MYOF: variants seen among roughly 807,000 people sequenced by gnomAD.
MYOF encodes the protein myoferlin.
Under a neutral mutation model 284.2 loss-of-function variants are expected in MYOF, and 244 were observed. The ratio of observed to expected loss-of-function variants is 0.86; its 90% CI spans 0.77 to 0.95. The LOEUF (loss-of-function observed/expected upper bound fraction) is 0.95. Among genes scored for constraint, MYOF ranks in the 40% least tolerant of loss-of-function variants. The pLI is 0.00. For synonymous variants in MYOF, 904 were observed against 919.7 expected (o/e 0.98, Z 0.31); for missense variants, 2,496 against 2,560.6 (o/e 0.97, Z 0.54).
chr10:93,338,128 A>T (rs1206560955), intron 39 of MYOF, among the ~76,000 whole-genome samples: 1 of 151,710 alleles, frequency 6.6e-6, no homozygotes, highest in African/African-American at 2.4e-5. Flanking sequence ...GGCCGATGAA[A>T]TGTGTTTGGC....
intron 29 of MYOF, among the ~76,000 whole-genome samples, chr10:93,357,840 T>A (rs1332795939): frequency 6.6e-6 from 1 of 152,198 alleles, no homozygotes; most frequent in African/African-American, 2.4e-5. Flanking sequence ...GCCTTCTAAC[T>A]GATGGCTCAG....
chr10:93,307,596 T>C (rs991349267), intron 53 of MYOF, among the ~76,000 whole-genome samples: 17 of 150,448 alleles, frequency 1.1e-4, no homozygotes, highest in Non-Finnish European at 1.8e-4. Flanking sequence ...CACCACGCCC[T>C]GCAGTAACCA....
chr10:93,400,994 AG>A, intron 12 of MYOF, among the ~76,000 whole-genome samples: 1 of 151,344 alleles, frequency 6.6e-6, no homozygotes, highest in East Asian at 1.9e-4. Flanking sequence ...CTGGGATTAT[AG>A]GCACCCGCCA....
intron 37 of MYOF, among the ~76,000 whole-genome samples, chr10:93,347,039 G>C (rs534910961): frequency 6.6e-6 from 1 of 152,278 alleles, no homozygotes; most frequent in Non-Finnish European, 1.5e-5. Flanking sequence ...ATTCACCCAG[G>C]AGCAGGACGC....
intron 12 of MYOF, among the ~76,000 whole-genome samples, chr10:93,401,209 A>G (rs181539436): frequency 2.0e-5 from 3 of 152,340 alleles, no homozygotes; most frequent in African/African-American, 7.2e-5. Context: ...GGTACTCAAC[A>G]AGGAACATGA....
chr10:93,422,928 G>C (rs1848417870), intron 5 of MYOF, among the ~76,000 whole-genome samples: 1 of 151,540 alleles, frequency 6.6e-6, no homozygotes, highest in Non-Finnish European at 1.5e-5. Flanking sequence ...TTTCCTAAAG[G>C]CCTGGCAGAA....
At chr10:93,431,563 G>T in intron 3 of MYOF, 47 bp from the exon 4 acceptor site, 1 of 1,456,736 alleles carries the variant, frequency 6.9e-7, no homozygotes, top group Non-Finnish European at 9.6e-7. Context: ...TAGGAGATAG[G>T]CTTCCAATGA....
Position 93,347,599 on chromosome 10 carries a change from C to T in MYOF, c.4249+18G>A, listed in dbSNP as rs769167700. ...AAAAAGAAAAGCCCCCAGACTTATG[C>T]ACAGCCTTGCATGTTACCTTTGAGC... On this transcript the variant is annotated intron_variant, in intron 37 of 53. Coordinates refer to ENST00000359263, the MANE Select transcript of MYOF (RefSeq NM_013451.4). 3 of 1,575,280 alleles carry T rather than the reference C, an allele frequency of 1.9e-6. No individual in the cohort carries two copies. Among genetic ancestry groups the T allele is most frequent in the Non-Finnish European group, 2.6e-6 (3 of 1,161,392 alleles).
intron 18 of MYOF, 88 bp downstream of exon 18, chr10:93,388,942 T>C (rs1239269602): frequency 4.0e-6 from 6 of 1,497,068 alleles, no homozygotes; most frequent in African/African-American, 1.4e-5. Context: ...ATGAAACTTC[T>C]ATCCTGCAAT....
intron 32 of MYOF, among the ~76,000 whole-genome samples, chr10:93,352,496 A>G (rs1386881741): frequency 6.6e-6 from 1 of 152,244 alleles, no homozygotes; most frequent in Non-Finnish European, 1.5e-5. Flanking sequence ...TGACAGCAGA[A>G]AACTTTGTCT....
intron 20 of MYOF, among the ~76,000 whole-genome samples, chr10:93,380,426 G>A (rs1325893507): frequency 6.6e-6 from 1 of 152,136 alleles, no homozygotes; most frequent in African/African-American, 2.4e-5. Context: ...GGCTACATAG[G>A]GTTTGGTACT....
chr10:93,437,097 C>T (rs1849159259), intron 3 of MYOF, among the ~76,000 whole-genome samples: 1 of 152,078 alleles, frequency 6.6e-6, no homozygotes, highest in African/African-American at 2.4e-5. Flanking sequence ...TTTCAGCCCA[C>T]GAATGTCATA....
At chr10:93,459,974 G>A (rs184481013) in intron 1 of MYOF, among the ~76,000 whole-genome samples, 14 of 152,218 alleles carry the variant, frequency 9.2e-5, no homozygotes, top group Admixed American at 3.3e-4. Flanking sequence ...AGACCATGGC[G>A]GTCCTTCAAG....
At chr10:93,423,449 C>T (rs986778195) in intron 5 of MYOF, among the ~76,000 whole-genome samples, 1 of 145,366 alleles carries the variant, frequency 6.9e-6, no homozygotes, top group African/African-American at 2.6e-5. Context: ...ATTGTTTGAA[C>T]CTAGGGGCAG....
At chr10:93,402,401 G>A (rs533422284) in intron 10 of MYOF, 54 bp from the exon 11 acceptor site, 1 of 1,364,030 alleles carries the variant, frequency 7.3e-7, no homozygotes, top group Admixed American at 1.7e-5. Flanking sequence ...GTACTGATAA[G>A]TCTGTGATTC....
intron 3 of MYOF, among the ~76,000 whole-genome samples, chr10:93,445,868 C>T (rs1157509473): frequency 1.3e-5 from 2 of 152,256 alleles, no homozygotes; most frequent in East Asian, 3.8e-4. Flanking sequence ...CAACCCTGCA[C>T]TTCAGGTGAG....
intron 50 of MYOF, 132 bp downstream of exon 50, chr10:93,316,582 T>TC: frequency 1.3e-6 from 1 of 752,230 alleles, no homozygotes; most frequent in Non-Finnish European, 2.2e-6. Context: ...ACTGGGTGTA[T>TC]CCCCTGTCCC....
At chr10:93,475,246 C>T (rs988134945) in intron 1 of MYOF, among the ~76,000 whole-genome samples, 4 of 152,124 alleles carry the variant, frequency 2.6e-5, no homozygotes, top group Admixed American at 1.3e-4. Context: ...CAAAGCACAC[C>T]CCAGTGCAAC....
chr10:93,348,511 A>G (rs1844347921), intron 36 of MYOF, among the ~76,000 whole-genome samples: 1 of 152,112 alleles, frequency 6.6e-6, no homozygotes, highest in Admixed American at 6.5e-5. Context: ...GGGTCACCTG[A>G]GTGGTTTTTC....
Sources: gnomAD v4.1 joint callset for allele counts (sites outside exome capture counted in the v4.1 genomes callset) on GRCh38, gnomAD v4.1.1 for gene constraint, MANE v1.5 for transcripts, NCBI Gene and HGNC (gene_info 2026-07-23, HGNC 2026-07-21) for gene names.